Variants in UVSSA observed in about 807,000 individuals in gnomAD.
UVSSA encodes UV-stimulated scaffold protein A.
A neutral mutation model predicts 73.9 loss-of-function variants in UVSSA; 72 were observed. The observed-to-expected ratio is 0.97, with a 90% confidence interval of 0.81 to 1.19. The LOEUF is 1.19. UVSSA is among the 50% of genes most tolerant of loss of function. The probability of loss-of-function intolerance (pLI) is 0.00; values close to 1 mark genes in which losing one functional copy is unlikely to be tolerated. For synonymous variants in UVSSA, 454 were observed against 391.3 expected (o/e 1.16, Z -1.89); for missense variants, 1,150 against 965.0 (o/e 1.19, Z -2.54).
In UVSSA at chr4:1,395,490, T is replaced by C. The variant is rs569475098; in HGVS notation, c.*9529T>C. 56 of 1,418,804 alleles carry C rather than the reference T, an allele frequency of 3.9e-5. No individual in the cohort carries two copies. In the African/African-American group the frequency reaches 6.5e-4, roughly 17 times the overall value. The allele number at this position is 1,418,804 out of a possible 1,614,324, so 87.9% of individuals were successfully genotyped here. A position where few individuals can be genotyped will look rare whatever the true frequency, so the allele number is the denominator to read the frequency against. The stretch of plus-strand genomic sequence containing the variant: ...GTGCCCGCCTGCTCACACGTGCCAT[T>C]GTGGAGTGCCCGCCTGCTCACACAC... On this transcript the variant is annotated 3_prime_UTR_variant, in exon 14 of 14. Coordinates refer to the UVSSA transcript ENST00000511216.
chr4:1,360,650 C>T (rs1716494142), intron 7 of UVSSA, among the ~76,000 whole-genome samples: 1 of 152,154 alleles, frequency 6.6e-6, no homozygotes, highest in Non-Finnish European at 1.5e-5. Flanking sequence ...GAAGGTCAGG[C>T]TGAAGCAGGG....
At chr4:1,395,294 C>G in exon 14 of UVSSA, 1 of 1,562,622 alleles carries the variant, frequency 6.4e-7, no homozygotes, top group Non-Finnish European at 8.7e-7. Flanking sequence ...TGCCCGCCTG[C>G]TCACACGTGC....
At chr4:1,382,980 C>A (rs1719682869) in intron 12 of UVSSA, among the ~76,000 whole-genome samples, 1 of 152,240 alleles carries the variant, frequency 6.6e-6, no homozygotes, top group African/African-American at 2.4e-5. Context: ...CGACCAGCAC[C>A]ACACCTGGTG....
chr4:1,382,408 C>T (rs1223193677), intron 12 of UVSSA, among the ~76,000 whole-genome samples: 2 of 152,226 alleles, frequency 1.3e-5, no homozygotes, highest in South Asian at 2.1e-4. Context: ...TCGCGCACGG[C>T]GCAATTTTCC....
chr4:1,379,944 TG>T, intron 10 of UVSSA, 102 bp from the exon 11 acceptor site: 1 of 1,365,284 alleles, frequency 7.3e-7, no homozygotes, highest in Non-Finnish European at 1.0e-6. Flanking sequence ...TTGGGGTGGC[TG>T]GGCTGCAGTG....
chr4:1,358,269 G>C (rs914607415), intron 7 of UVSSA, among the ~76,000 whole-genome samples: 1 of 152,220 alleles, frequency 6.6e-6, no homozygotes, highest in African/African-American at 2.4e-5. Flanking sequence ...AGGGCCCCTC[G>C]TCCCCTTCGA....
At chr4:1,384,262 G>T (rs1218454943) in intron 13 of UVSSA, 1 of 357,120 alleles carries the variant, frequency 2.8e-6, no homozygotes, top group Non-Finnish European at 5.1e-6. Flanking sequence ...TGAGCCCCTC[G>T]TCTCTCCCTT....
At chr4:1,351,688 C>G (rs752840848) in intron 3 of UVSSA, 27 bp from the exon 4 acceptor site, 1 of 1,610,498 alleles carries the variant, frequency 6.2e-7, no homozygotes, top group Admixed American at 1.7e-5. Context: ...CGCGCCTGTC[C>G]CCTAGTCTTT....
chr4:1,379,499 T>C (rs1388166790), intron 10 of UVSSA, among the ~76,000 whole-genome samples: 1 of 151,422 alleles, frequency 6.6e-6, no homozygotes, highest in Non-Finnish European at 1.5e-5. Context: ...CTGGGAGACC[T>C]GGGACGCCTG....
At chr4:1,362,237 G>T (rs1366777507) in intron 7 of UVSSA, among the ~76,000 whole-genome samples, 1 of 152,220 alleles carries the variant, frequency 6.6e-6, no homozygotes, top group Admixed American at 6.5e-5. Flanking sequence ...CCGCCTCCCC[G>T]CGGTGGCTGG....
intron 4 of UVSSA, 61 bp from the exon 5 acceptor site, chr4:1,352,969 G>C: frequency 1.3e-6 from 2 of 1,548,642 alleles, no homozygotes; most frequent in South Asian, 1.2e-5. Flanking sequence ...GTGTGGTTTT[G>C]AGTGGGCTGG....
At chr4:1,380,624 G>C in intron 11 of UVSSA, 1 of 1,512,108 alleles carries the variant, frequency 6.6e-7, no homozygotes, top group African/African-American at 1.4e-5. Flanking sequence ...TGGCCATGCT[G>C]GATGAGGGAG....
chr4:1,385,817 A>C (rs537799513), intron 13 of UVSSA, 51 bp from the exon 14 acceptor site: 1 of 1,597,200 alleles, frequency 6.3e-7, no homozygotes, highest in South Asian at 1.1e-5. Context: ...CTGGGAGCCC[A>C]GGCCCCTGGC....
chr4:1,380,376 G>C (rs1391192274), intron 11 of UVSSA, 146 bp downstream of exon 11: 2 of 1,169,536 alleles, frequency 1.7e-6, no homozygotes, highest in Non-Finnish European at 2.3e-6. Context: ...TCCGTGGTGG[G>C]CAGAAATTGC....
At chr4:1,382,937 T>C (rs1719675250) in intron 12 of UVSSA, among the ~76,000 whole-genome samples, 2 of 152,150 alleles carry the variant, frequency 1.3e-5, no homozygotes, top group African/African-American at 4.8e-5. Flanking sequence ...CCCATGGCCA[T>C]CACAGTCCCG....
At chr4:1,366,652 C>T (rs1177804639) in intron 8 of UVSSA, among the ~76,000 whole-genome samples, 2 of 152,234 alleles carry the variant, frequency 1.3e-5, no homozygotes, top group East Asian at 1.9e-4. Context: ...CTCGGGTTCT[C>T]GGGCCTGGGG....
chr4:1,373,333 G>C (rs978150613), intron 8 of UVSSA, among the ~76,000 whole-genome samples: 1 of 152,202 alleles, frequency 6.6e-6, no homozygotes, highest in Admixed American at 6.5e-5. Flanking sequence ...CGGGAGAATA[G>C]ATGTAGGCTG....
Position 1,353,277 on chromosome 4 carries a change from G to A in UVSSA, c.798G>A (p.Ala266=), listed in dbSNP as rs754274718. 66 of 1,610,972 alleles carry A rather than the reference G, an allele frequency of 4.1e-5. No individual in the cohort carries two copies. The South Asian group carries it at 5.6e-4, about 14-fold the overall frequency. ...CTGCCTCTGCAGGCCACCCCAGAGC[G>A]GGCGGCGGGGCACAGCCATCCCAGA... ...DLPASAGHPR[A]GGGAQPSQTA... Residue 266 remains alanine (A), a synonymous_variant, in exon 5 of 14, where the codon GCG becomes GCA. Coordinates refer to ENST00000389851, the MANE Select transcript of UVSSA (RefSeq NM_020894.4).
chr4:1,342,087 A>G (rs1713452956), upstream of UVSSA, among the ~76,000 whole-genome samples: 1 of 152,250 alleles, frequency 6.6e-6, no homozygotes, highest in Admixed American at 6.5e-5. Flanking sequence ...GTCTTCTTGC[A>G]GACATTATTT....
Sources: allele counts gnomAD v4.1 joint callset (sites outside exome capture counted in the v4.1 genomes callset), GRCh38; gene constraint gnomAD v4.1.1; transcripts MANE v1.5; gene names NCBI Gene and HGNC (gene_info 2026-07-23, HGNC 2026-07-21).